Variants in ROCK1 observed in about 807,000 individuals in gnomAD.
ROCK1 encodes rho-associated protein kinase 1.
In ROCK1, 36 loss-of-function variants were observed where a neutral mutation model predicts 196.8. The observed-to-expected ratio is 0.18, with a 90% CI of 0.14 to 0.24. The LOEUF (loss-of-function observed/expected upper bound fraction) is 0.24. Ranked by LOEUF, ROCK1 falls within the 10% of genes least tolerant of loss-of-function variation. The pLI, the probability that ROCK1 is intolerant of heterozygous loss-of-function variation, is 1.00. For synonymous variants in ROCK1, 443 were observed against 515.9 expected, an observed-to-expected ratio of 0.86 and a Z score of 1.91; for missense variants, 920 against 1,562.0, an observed-to-expected ratio of 0.59 and a Z score of 6.93.
At chr18:21,033,237 T>A (rs569663037) in intron 9 of ROCK1, among the ~76,000 whole-genome samples, 3 of 152,226 alleles carry the variant, frequency 2.0e-5, no homozygotes, top group South Asian at 4.2e-4. Context: ...AAAACCCATA[T>A]GATCATTTCA....
intron 16 of ROCK1, among the ~76,000 whole-genome samples, chr18:21,003,239 C>G (rs909618271): frequency 3.3e-5 from 5 of 152,064 alleles, no homozygotes; most frequent in Non-Finnish European, 7.4e-5. Flanking sequence ...ACGAAAAAAA[C>G]ATGGTTTCTT....
intron 1 of ROCK1, among the ~76,000 whole-genome samples, chr18:21,072,606 G>T (rs1417081274): frequency 6.6e-6 from 1 of 152,048 alleles, no homozygotes; most frequent in Non-Finnish European, 1.5e-5. Context: ...CTAGTACCAG[G>T]ACTCGGAATG....
At chr18:21,092,209 T>C (rs2036576434) in intron 1 of ROCK1, among the ~76,000 whole-genome samples, 1 of 152,194 alleles carries the variant, frequency 6.6e-6, no homozygotes, top group South Asian at 2.1e-4. Flanking sequence ...AGAGTTACAA[T>C]GATGATTAAG....
intron 13 of ROCK1, among the ~76,000 whole-genome samples, chr18:21,013,688 A>G (rs763084209): frequency 2.0e-5 from 3 of 152,090 alleles, no homozygotes; most frequent in Non-Finnish European, 2.9e-5. Flanking sequence ...CTCTGACACT[A>G]TTCTAATTGG....
intron 32 of ROCK1, chr18:20,953,243 T>TA (rs1360900772): frequency 2.7e-5 from 5 of 187,096 alleles, no homozygotes; most frequent in African/African-American, 9.5e-5. Flanking sequence ...CCAACACAGT[T>TA]AAAAAACAGA....
At position 20,948,503 on chromosome 18, in the gene ROCK1, GTTAAT is replaced by G. The variant is rs910030480; in HGVS notation, c.*2876_*2880del. 3.4e-5 allele frequency: 5 copies of G among 148,530 alleles called. No homozygotes were observed. Among genetic ancestry groups the G allele is most frequent in the Non-Finnish European group, 7.4e-5 (5 of 67,990 alleles). 9.2% of individuals were successfully genotyped at this position (148,530 alleles called of 1,614,324 possible). The stretch of plus-strand genomic sequence containing the variant: ...TTTACTTTAAATGAAGGGTGAATGG[GTTAAT>G]TTAAGCTGAAACCCCAAATGACAGG... On this transcript the variant is annotated 3_prime_UTR_variant, in exon 33 of 33. Transcript: ENST00000399799.
intron 9 of ROCK1, among the ~76,000 whole-genome samples, chr18:21,036,243 T>C (rs2036055905): frequency 6.6e-6 from 1 of 152,198 alleles, no homozygotes; most frequent in Admixed American, 6.5e-5. Context: ...GAAAGGTTAC[T>C]AGTCTTGATT....
At chr18:21,041,267 A>AT (rs201732071) in intron 8 of ROCK1, among the ~76,000 whole-genome samples, 16 of 140,738 alleles carry the variant, frequency 1.1e-4, no homozygotes, top group Admixed American at 9.3e-4. Context: ...CCCTGTCTCT[A>AT]TTTAAAAAAA....
chr18:20,985,664 C>T (rs978418700), intron 19 of ROCK1, among the ~76,000 whole-genome samples: 2 of 152,180 alleles, frequency 1.3e-5, no homozygotes, highest in Non-Finnish European at 2.9e-5. Flanking sequence ...CAATTCCTAG[C>T]ACAGAGCCAA....
intron 27 of ROCK1, among the ~76,000 whole-genome samples, chr18:20,963,554 A>C (rs1286176939): frequency 1.3e-5 from 2 of 152,148 alleles, no homozygotes; most frequent in African/African-American, 4.8e-5. Context: ...GGTTTAAGTT[A>C]CATAACCTAA....
At chr18:21,004,326 T>C (rs2035751141) in intron 16 of ROCK1, among the ~76,000 whole-genome samples, 1 of 152,168 alleles carries the variant, frequency 6.6e-6, no homozygotes, top group Non-Finnish European at 1.5e-5. Flanking sequence ...ACTAAATTTA[T>C]ACTTGAGAGA....
At chr18:20,979,592 A>T (rs1365137512) in intron 22 of ROCK1, among the ~76,000 whole-genome samples, 1 of 152,122 alleles carries the variant, frequency 6.6e-6, no homozygotes, top group Non-Finnish European at 1.5e-5. Flanking sequence ...ACTGCACTCC[A>T]GCCTGAGTGA....
chr18:21,089,819 G>A (rs192110690), intron 1 of ROCK1, among the ~76,000 whole-genome samples: 3 of 152,178 alleles, frequency 2.0e-5, no homozygotes, highest in African/African-American at 4.8e-5. Flanking sequence ...CTCAAAGTAC[G>A]GTTTCTACTG....
intron 12 of ROCK1, among the ~76,000 whole-genome samples, chr18:21,019,417 GC>G (rs1395967387): frequency 6.6e-6 from 1 of 152,072 alleles, no homozygotes; most frequent in Admixed American, 6.6e-5. Flanking sequence ...AGCCTAATTT[GC>G]CCTTTTAGTT....
At chr18:21,027,750 ATTTTTTT>A (rs751964514) in intron 10 of ROCK1, among the ~76,000 whole-genome samples, 14 of 95,288 alleles carry the variant, frequency 1.5e-4, no homozygotes, top group Non-Finnish European at 2.3e-4. Flanking sequence ...GAATCACTTA[ATTTTTTT>A]TTTTTTTTTT....
chr18:20,984,650 T>C, intron 19 of ROCK1, 115 bp from the exon 20 acceptor site: 4 of 710,430 alleles, frequency 5.6e-6, no homozygotes, highest in South Asian at 4.5e-5. Context: ...TAGTAGAAAA[T>C]ATTAGTATTT....
At chr18:21,091,971 C>A (rs555466190) in intron 1 of ROCK1, among the ~76,000 whole-genome samples, 140 of 152,044 alleles carry the variant, frequency 9.2e-4, no homozygotes, top group Middle Eastern at 6.8e-3. Flanking sequence ...CAGAGCGAGA[C>A]GCTGTCTCAA....
At chr18:21,019,028 T>G (rs1188352399) in intron 12 of ROCK1, among the ~76,000 whole-genome samples, 2 of 152,196 alleles carry the variant, frequency 1.3e-5, no homozygotes, top group African/African-American at 4.8e-5. Context: ...AAAAAGATAC[T>G]CTGAGTTACT....
At chr18:20,972,091 A>C (rs566779135) in intron 22 of ROCK1, among the ~76,000 whole-genome samples, 5 of 152,300 alleles carry the variant, frequency 3.3e-5, no homozygotes, top group African/African-American at 1.2e-4. Context: ...AGACTACTGA[A>C]ATAATCAAGA....
Sources: gnomAD v4.1 joint callset for allele counts (sites outside exome capture counted in the v4.1 genomes callset) on GRCh38, gnomAD v4.1.1 for gene constraint, MANE v1.5 for transcripts, NCBI Gene and HGNC (gene_info 2026-07-23, HGNC 2026-07-21) for gene names.